GPR55: variants seen among roughly 807,000 people sequenced by gnomAD.
GPR55 encodes G protein-coupled receptor 55.
Under a neutral mutation model 7.9 loss-of-function variants are expected in GPR55, and 6 were observed. The ratio of observed to expected loss-of-function variants is 0.76; its 90% CI spans 0.41 to 1.49. The LOEUF (loss-of-function observed/expected upper bound fraction) is 1.49. Among genes scored for constraint, GPR55 ranks in the 40% most tolerant of loss-of-function variants. GPR55 has a pLI of 0.01. For missense variants in GPR55, 376 were observed against 406.0 expected (o/e 0.93, Z 0.63); for synonymous variants, 183 against 166.8 (o/e 1.10, Z -0.75).
chr2:230,933,345 C>T lies in GPR55; in HGVS notation c.-134-22249G>A, dbSNP rs191243029. On this transcript the variant is annotated intron_variant, in intron 1 of 1. Coordinates refer to the GPR55 transcript ENST00000392039. ...CCCATCCGTCCACCGCATCCTCCAC[C>T]TGCCCTCCGTTGGCCCTTCCTGCAA... 1.8e-3 allele frequency among the ~76,000 whole-genome samples: 277 copies of T among 152,336 alleles called. 2 individuals are homozygous for T. Among genetic ancestry groups the T allele is most frequent in the African/African-American group, 5.7e-3 (239 of 41,578 alleles).
chr2:230,950,817 GC>G (rs1415285095), intron 1 of GPR55, among the ~76,000 whole-genome samples: 1 of 150,908 alleles, frequency 6.6e-6, no homozygotes, highest in East Asian at 1.9e-4. Context: ...ATCTTCCCCC[GC>G]CTTTCTGATT....
chr2:230,936,583 G>C (rs548352868), intron 1 of GPR55, among the ~76,000 whole-genome samples: 44 of 152,328 alleles, frequency 2.9e-4, no homozygotes, highest in South Asian at 2.5e-3. Context: ...TCTTGGGTAT[G>C]TGTTTATTAG....
chr2:230,941,456 C>A (rs1691231970), intron 1 of GPR55, among the ~76,000 whole-genome samples: 2 of 152,174 alleles, frequency 1.3e-5, no homozygotes, highest in African/African-American at 2.4e-5. Flanking sequence ...TGGGCTCTCC[C>A]ATGGCCACAT....
At chr2:230,938,873 C>A (rs989390810) in intron 1 of GPR55, among the ~76,000 whole-genome samples, 1 of 152,200 alleles carries the variant, frequency 6.6e-6, no homozygotes, top group African/African-American at 2.4e-5. Flanking sequence ...AGCTGCATCT[C>A]TTCTGGGTCT....
intron 1 of GPR55, among the ~76,000 whole-genome samples, chr2:230,954,021 T>G (rs1357530553): frequency 6.6e-6 from 1 of 152,234 alleles, no homozygotes; most frequent in African/African-American, 2.4e-5. Flanking sequence ...TTAGCTGAGC[T>G]CATTCTGGAA....
chr2:230,912,347 C>G (rs528647701), intron 1 of GPR55, among the ~76,000 whole-genome samples: 1 of 152,166 alleles, frequency 6.6e-6, no homozygotes, highest in Non-Finnish European at 1.5e-5. Context: ...CCCAAGATAT[C>G]GATGTATCAG....
chr2:230,924,141 C>T lies in GPR55; in HGVS notation c.-135+1027G>A, dbSNP rs1690898337. Among the ~76,000 whole-genome samples, 1 of 152,176 alleles carries T rather than the reference C, an allele frequency of 6.6e-6. No homozygotes were observed. The highest frequency in any genetic ancestry group is 2.4e-5 in the African/African-American group (1 of 41,436). ...AGGACCATGTCCCTTTCACCTTTATCACCGAGCCTCACATACAGTTTGTCG... is the reference window on the plus strand; with the variant it reads ...AGGACCATGTCCCTTTCACCTTTATTACCGAGCCTCACATACAGTTTGTCG... On this transcript the variant is annotated intron_variant, in intron 1 of 1. Coordinates refer to ENST00000650999, the MANE Select transcript of GPR55 (RefSeq NM_005683.4). The surrounding 1 kb of genome is among the most constrained non-coding windows in gnomAD (Gnocchi z 4.5).
intron 1 of GPR55, among the ~76,000 whole-genome samples, chr2:230,954,718 TTC>T (rs1430240006): frequency 3.9e-5 from 6 of 152,176 alleles, no homozygotes; most frequent in African/African-American, 1.2e-4. Flanking sequence ...TATTTATTCT[TTC>T]TGTTTTTTTG....
In GPR55 at chr2:230,919,427, G is replaced by C. The variant is rs373147223; in HGVS notation, c.-135+5741C>G. On this transcript the variant is annotated intron_variant, in intron 1 of 1. Coordinates refer to ENST00000650999, the MANE Select transcript of GPR55 (RefSeq NM_005683.4). ...TTCTCTGAGAAGAGAATATTAAAAT[G>C]AATAACATCAAGAACAACAATAGAA... Among the ~76,000 whole-genome samples the C allele has an allele frequency of 3.3e-4, 50 of 152,234 alleles. 3 individuals are homozygous for C. The highest frequency in any genetic ancestry group is 2.0e-3 in the Admixed American group (31 of 15,296).
intron 1 of GPR55, among the ~76,000 whole-genome samples, chr2:230,945,163 C>G (rs1022009767): frequency 1.3e-5 from 2 of 152,170 alleles, no homozygotes; most frequent in African/African-American, 4.8e-5. Flanking sequence ...CTAAGGTGAT[C>G]TGCGCAAAAA....
upstream of GPR55, among the ~76,000 whole-genome samples, chr2:230,925,887 C>A (rs1323276739): frequency 6.6e-6 from 1 of 152,066 alleles, no homozygotes; most frequent in Non-Finnish European, 1.5e-5. Flanking sequence ...GCCCTGCAAG[C>A]AGAGATTTCC....
chr2:230,957,955 A>G, intron 1 of GPR55: 1 of 471,138 alleles, frequency 2.1e-6, no homozygotes, highest in East Asian at 5.5e-5. Flanking sequence ...CAGCAATTGA[A>G]CAATCTTGAG....
At chr2:230,956,311 T>C (rs1306027869) in intron 1 of GPR55, among the ~76,000 whole-genome samples, 1 of 151,962 alleles carries the variant, frequency 6.6e-6, no homozygotes, top group African/African-American at 2.4e-5. Flanking sequence ...ACTACAGACA[T>C]GCACCACCAC....
At chr2:230,953,256 G>C (rs1313059093) in intron 1 of GPR55, among the ~76,000 whole-genome samples, 1 of 151,296 alleles carries the variant, frequency 6.6e-6, no homozygotes, top group Non-Finnish European at 1.5e-5. Flanking sequence ...GAACTGGTGA[G>C]TATGTTAAAT....
Position 230,937,234 on chromosome 2 carries a change from G to T in GPR55, c.-135+23541C>A, listed in dbSNP as rs542623294. Among the ~76,000 whole-genome samples, 2 of 151,752 alleles carry T rather than the reference G, an allele frequency of 1.3e-5. 1 individual carries two copies. The highest frequency in any genetic ancestry group is 4.2e-4 in the South Asian group (2 of 4,780). On this transcript the variant is annotated intron_variant, in intron 1 of 1. Transcript: ENST00000392039. ...CTGGTCAACAACATAGTAAGACCCCGTCTCTACAAAATTTTTTTTAATTAG... is the reference window on the plus strand; with the variant it reads ...CTGGTCAACAACATAGTAAGACCCCTTCTCTACAAAATTTTTTTTAATTAG...
intron 1 of GPR55, among the ~76,000 whole-genome samples, chr2:230,950,040 T>A (rs560778598): frequency 6.6e-6 from 1 of 152,352 alleles, no homozygotes; most frequent in African/African-American, 2.4e-5. Context: ...TTCACCATGC[T>A]GGCCAGGCTG....
chr2:230,924,103 C>A lies in GPR55; in HGVS notation c.-135+1065G>T, dbSNP rs1690897051. 6.6e-6 allele frequency among the ~76,000 whole-genome samples: 1 copy of A among 152,178 alleles called. No homozygotes were observed. Among genetic ancestry groups the A allele is most frequent in the Non-Finnish European group, 1.5e-5 (1 of 68,028 alleles). On this transcript the variant is annotated intron_variant, in intron 1 of 1. Transcript: ENST00000650999. The surrounding 1 kb of genome is among the most constrained non-coding windows in gnomAD (Gnocchi z 4.5). ...GGAGCGTGTCCCTGCTGTCCTCCAGCAACCCCAGGACCAGGACCATGTCCC... is the reference window on the plus strand; with the variant it reads ...GGAGCGTGTCCCTGCTGTCCTCCAGAAACCCCAGGACCAGGACCATGTCCC...
chr2:230,920,380 G>A (rs1376985430), intron 1 of GPR55, among the ~76,000 whole-genome samples: 1 of 152,050 alleles, frequency 6.6e-6, no homozygotes, highest in East Asian at 1.9e-4. Context: ...TTCAAGATGG[G>A]GCTGGGAACG....
At chr2:230,926,682 C>CTTTTTT (rs56318183), upstream of GPR55, among the ~76,000 whole-genome samples, 6 of 100,972 alleles carry the variant, frequency 5.9e-5, no homozygotes, top group Non-Finnish European at 9.3e-5. Context: ...TGGCTACCTT[C>CTTTTTT]TTTTTTTTTT....
Sources: gnomAD v4.1 joint callset for allele counts (sites outside exome capture counted in the v4.1 genomes callset) on GRCh38, gnomAD v4.1.1 for gene constraint, Gnocchi (gnomAD v3.1) non-coding constraint, MANE v1.5 for transcripts, NCBI Gene and HGNC (gene_info 2026-07-23, HGNC 2026-07-21) for gene names.